The following THSD7B variants were observed in gnomAD, a reference collection of about 807,000 sequenced individuals.
The protein encoded by THSD7B is thrombospondin type-1 domain-containing protein 7B.
In THSD7B, 138 loss-of-function variants were observed where a neutral mutation model predicts 213.6. The ratio of observed to expected loss-of-function variants is 0.65; its 90% confidence interval spans 0.56 to 0.74. The LOEUF is 0.74. THSD7B is among the 30% of genes least tolerant of loss of function. The pLI is 0.00. For missense variants in THSD7B, 1,931 were observed against 1,991.5 expected, an observed-to-expected ratio of 0.97 and a Z score of 0.58; for synonymous variants, 742 against 687.0, an observed-to-expected ratio of 1.08 and a Z score of -1.25.
intron 1 of THSD7B, among the ~76,000 whole-genome samples, chr2:136,829,244 G>C (rs911240599): frequency 1.3e-5 from 2 of 151,288 alleles, no homozygotes; most frequent in South Asian, 4.2e-4. Context: ...TTTGAACCAC[G>C]ACTTGAAGAT....
chr2:137,173,054 T>C (rs1342006449), intron 7 of THSD7B, among the ~76,000 whole-genome samples: 1 of 152,152 alleles, frequency 6.6e-6, no homozygotes, highest in Admixed American at 6.6e-5. Context: ...AGCTGCCAAG[T>C]GGGGTAATAA....
At chr2:137,610,874 C>T (rs529057845) in intron 17 of THSD7B, among the ~76,000 whole-genome samples, 4 of 151,322 alleles carry the variant, frequency 2.6e-5, no homozygotes, top group Non-Finnish European at 4.4e-5. Flanking sequence ...AGAAGAAAAC[C>T]GTTTCATCTT....
intron 12 of THSD7B, among the ~76,000 whole-genome samples, chr2:137,392,878 T>G (rs1227442505): frequency 1.3e-5 from 2 of 152,074 alleles, no homozygotes; most frequent in Non-Finnish European, 2.9e-5. Flanking sequence ...GCCATTAGAT[T>G]CCTTTCTCTT....
chr2:137,087,847 A>T (rs559566170), intron 3 of THSD7B, among the ~76,000 whole-genome samples: 1 of 152,376 alleles, frequency 6.6e-6, no homozygotes, highest in Non-Finnish European at 1.5e-5. Context: ...TAGCCAAAGC[A>T]AGACTAAGCA....
At chr2:137,346,828 TTGG>T (rs1344801305) in intron 12 of THSD7B, among the ~76,000 whole-genome samples, 3 of 151,784 alleles carry the variant, frequency 2.0e-5, no homozygotes, top group Non-Finnish European at 2.9e-5. Context: ...CATTCATTCA[TTGG>T]TCGACATTTA....
intron 12 of THSD7B, among the ~76,000 whole-genome samples, chr2:137,303,716 T>TAA (rs1683667846): frequency 7.8e-6 from 1 of 128,630 alleles, no homozygotes; most frequent in African/African-American, 3.4e-5. Context: ...ATATATATAT[T>TAA]TATATATATA....
intron 15 of THSD7B, among the ~76,000 whole-genome samples, chr2:137,535,149 C>T (rs928726475): frequency 6.6e-6 from 1 of 151,644 alleles, no homozygotes; most frequent in Admixed American, 6.6e-5. Flanking sequence ...CATTTTTACT[C>T]CTGGTTAATG....
chr2:137,411,128 T>C (rs1686642143), intron 13 of THSD7B, among the ~76,000 whole-genome samples: 1 of 152,264 alleles, frequency 6.6e-6, no homozygotes, highest in South Asian at 2.1e-4. Context: ...TTTGTATAAA[T>C]GTTTGGGAGC....
At chr2:136,789,134 T>C (rs11898682) in intron 1 of THSD7B, among the ~76,000 whole-genome samples, 5,802 of 152,170 alleles carry the variant, frequency 0.038, 352 homozygotes, top group African/African-American at 0.13. Flanking sequence ...AGGGATATTA[T>C]TGCAAGGATT....
chr2:136,881,813 G>A (rs1459991405), intron 1 of THSD7B, among the ~76,000 whole-genome samples: 5 of 151,980 alleles, frequency 3.3e-5, no homozygotes, highest in African/African-American at 1.2e-4. Context: ...TGGATCCTGT[G>A]AGAATCCATG....
chr2:137,516,801 A>G (rs1680078537), intron 15 of THSD7B, among the ~76,000 whole-genome samples: 4 of 152,214 alleles, frequency 2.6e-5, no homozygotes, highest in Admixed American at 2.6e-4. Context: ...AATAAAAGCC[A>G]TTAGAGCTGC....
chr2:136,940,807 A>AG (rs1488037660), intron 2 of THSD7B, among the ~76,000 whole-genome samples: 22 of 147,202 alleles, frequency 1.5e-4, no homozygotes, highest in Middle Eastern at 3.5e-3. Context: ...TGTTAAGGGT[A>AG]GTTTTTTTGT....
intron 26 of THSD7B, among the ~76,000 whole-genome samples, chr2:137,664,145 A>G (rs1683404499): frequency 6.6e-6 from 1 of 152,304 alleles, no homozygotes; most frequent in African/African-American, 2.4e-5. Context: ...GAGCCACTGC[A>G]CCCGGCCTGA....
intron 5 of THSD7B, among the ~76,000 whole-genome samples, chr2:137,145,711 TA>T (rs35827729): frequency 2.0e-5 from 3 of 151,850 alleles, no homozygotes; most frequent in South Asian, 4.2e-4. Flanking sequence ...GTATAAATGC[TA>T]AAAAAAAGAT....
intron 2 of THSD7B, among the ~76,000 whole-genome samples, chr2:137,054,551 A>C (rs1056036482): frequency 1.3e-5 from 2 of 152,336 alleles, no homozygotes; most frequent in East Asian, 3.9e-4. Context: ...TCCTAAATGC[A>C]TGTGATTACG....
chr2:137,089,754 A>T (rs954332786), intron 3 of THSD7B, among the ~76,000 whole-genome samples: 2 of 152,142 alleles, frequency 1.3e-5, no homozygotes, highest in African/African-American at 4.8e-5. Flanking sequence ...ACACATCACC[A>T]CTAAAGAACT....
chr2:137,568,498 C>T (rs557306788), intron 16 of THSD7B, among the ~76,000 whole-genome samples: 4 of 152,048 alleles, frequency 2.6e-5, no homozygotes, highest in Non-Finnish European at 5.9e-5. Flanking sequence ...TTTCACACTG[C>T]TATAAAGAAA....
chr2:136,852,899 A>G (rs1573669823), intron 1 of THSD7B, among the ~76,000 whole-genome samples: 1 of 152,242 alleles, frequency 6.6e-6, no homozygotes, highest in Non-Finnish European at 1.5e-5. Flanking sequence ...AAAATTGTAT[A>G]TGATTTTAAA....
intron 1 of THSD7B, among the ~76,000 whole-genome samples, chr2:136,825,664 G>C (rs376388121): frequency 3.3e-5 from 5 of 150,498 alleles, no homozygotes; most frequent in African/African-American, 1.2e-4. Context: ...CCATTCTCCT[G>C]CCTCAGCCTC....
Sources: gnomAD v4.1 joint callset for allele counts (sites outside exome capture counted in the v4.1 genomes callset) on GRCh38, gnomAD v4.1.1 for gene constraint, MANE v1.5 for transcripts, NCBI Gene and HGNC (gene_info 2026-07-23, HGNC 2026-07-21) for gene names.